ARMH1: variants seen among roughly 807,000 people sequenced by gnomAD.
The protein encoded by ARMH1 is armadillo like helical domain containing 1, also known as armadillo-like helical domain containing protein 1.
A neutral mutation model predicts 50.2 loss-of-function variants in ARMH1; 34 were observed. The ratio of observed to expected loss-of-function variants is 0.68; its 90% CI spans 0.51 to 0.90. The LOEUF (loss-of-function observed/expected upper bound fraction) is 0.90, where lower values mean the gene tolerates loss of function less well. ARMH1 is among the 40% of genes least tolerant of loss of function. The pLI is 0.00. For synonymous variants in ARMH1, 221 were observed against 224.2 expected, an observed-to-expected ratio of 0.99 and a Z score of 0.13; for missense variants, 538 against 553.9, an observed-to-expected ratio of 0.97 and a Z score of 0.29.
At chr1:44,712,649 T>A (rs1646665449) in intron 6 of ARMH1, among the ~76,000 whole-genome samples, 1 of 150,746 alleles carries the variant, frequency 6.6e-6, no homozygotes, top group Admixed American at 6.6e-5. Context: ...AGCAAATACA[T>A]CAGGATTTCT....
chr1:44,719,123 C>T (rs1207177059), intron 6 of ARMH1, among the ~76,000 whole-genome samples: 4 of 151,802 alleles, frequency 2.6e-5, no homozygotes, highest in African/African-American at 9.7e-5. Flanking sequence ...CAAGGTCTGT[C>T]CCCCAAAGGG....
intron 2 of ARMH1, among the ~76,000 whole-genome samples, chr1:44,696,690 G>A (rs1225364854): frequency 6.6e-6 from 1 of 152,176 alleles, no homozygotes; most frequent in East Asian, 1.9e-4. Flanking sequence ...AATTAATGAT[G>A]AAGCTGGTTC....
At chr1:44,695,829 C>T (rs901803648) in intron 2 of ARMH1, among the ~76,000 whole-genome samples, 1 of 151,812 alleles carries the variant, frequency 6.6e-6, no homozygotes, top group African/African-American at 2.4e-5. Context: ...CCTGTAGTCC[C>T]GGCTACTCAG....
intron 2 of ARMH1, 104 bp from the exon 3 acceptor site, chr1:44,696,998 C>G (rs1290221384): frequency 2.6e-6 from 2 of 780,982 alleles, no homozygotes; most frequent in African/African-American, 3.4e-5. Context: ...CACAGTTCAG[C>G]TACTTGGCCA....
intron 6 of ARMH1, among the ~76,000 whole-genome samples, chr1:44,716,052 A>G (rs1004955963): frequency 6.6e-6 from 1 of 151,860 alleles, no homozygotes; most frequent in Non-Finnish European, 1.5e-5. Flanking sequence ...CTCCTTCCCA[A>G]ACCCATACTC....
intron 6 of ARMH1, among the ~76,000 whole-genome samples, chr1:44,722,171 T>A (rs1040727964): frequency 1.8e-4 from 27 of 152,286 alleles, no homozygotes; most frequent in African/African-American, 6.5e-4. Flanking sequence ...ACCCTCTCTC[T>A]CTTACCAGTA....
intron 2 of ARMH1, among the ~76,000 whole-genome samples, chr1:44,694,698 C>T (rs577134293): frequency 1.4e-4 from 21 of 151,866 alleles, no homozygotes; most frequent in Admixed American, 3.3e-4. Flanking sequence ...TTAGTAGAGA[C>T]GGGGTTTCAC....
chr1:44,686,206 T>A (rs1645467074), intron 1 of ARMH1, among the ~76,000 whole-genome samples: 1 of 152,142 alleles, frequency 6.6e-6, no homozygotes, highest in African/African-American at 2.4e-5. Flanking sequence ...CAGTTACAGA[T>A]TGAACATTTG....
At chr1:44,699,751 A>G (rs1407409828) in intron 4 of ARMH1, among the ~76,000 whole-genome samples, 2 of 152,094 alleles carry the variant, frequency 1.3e-5, no homozygotes, top group East Asian at 3.9e-4. Flanking sequence ...CGCACCCTCA[A>G]TAATTTTAAT....
intron 6 of ARMH1, among the ~76,000 whole-genome samples, chr1:44,706,490 A>G (rs948464853): frequency 1.3e-5 from 2 of 152,038 alleles, no homozygotes; most frequent in Non-Finnish European, 2.9e-5. Context: ...CGGGGAGGAG[A>G]GCATAAGGAG....
chr1:44,689,799 G>A lies in ARMH1; in HGVS notation c.102G>A (p.Lys34=). 1 of 1,551,836 alleles carries A rather than the reference G, an allele frequency of 6.4e-7. No homozygotes were observed. The highest frequency in any genetic ancestry group is 8.7e-7 in the Non-Finnish European group (1 of 1,147,024). Residue 34 remains lysine, a synonymous_variant, in exon 2 of 12, where the codon AAG becomes AAA. Coordinates refer to ENST00000535358, the MANE Select transcript of ARMH1 (RefSeq NM_001145636.2). ...TCGCAAGGAGTCACATCCTCGACAA[G>A]TTCATTGAAACCAACCAAGGCAAGA... The part of the protein sequence containing the change: ...GKVARSHILD[K]FIETNQGKTA...
At chr1:44,688,851 C>T (rs914896191) in intron 1 of ARMH1, among the ~76,000 whole-genome samples, 1 of 152,180 alleles carries the variant, frequency 6.6e-6, no homozygotes. Flanking sequence ...ATTAATCCAA[C>T]TATGGAATGG....
At chr1:44,687,724 CCA>C (rs1347289510) in intron 1 of ARMH1, among the ~76,000 whole-genome samples, 1 of 152,168 alleles carries the variant, frequency 6.6e-6, no homozygotes, top group Non-Finnish European at 1.5e-5. Context: ...TTATACAGAG[CCA>C]CAGGATGGGC....
At chr1:44,678,207 G>A (rs1645197264) in intron 1 of ARMH1, among the ~76,000 whole-genome samples, 1 of 152,180 alleles carries the variant, frequency 6.6e-6, no homozygotes, top group Non-Finnish European at 1.5e-5. Context: ...CCAGTTACAT[G>A]TTGTGGAGAG....
intron 6 of ARMH1, among the ~76,000 whole-genome samples, chr1:44,719,137 A>C (rs577335029): frequency 6.6e-6 from 1 of 152,112 alleles, no homozygotes; most frequent in Non-Finnish European, 1.5e-5. Context: ...CAAAGGGTGA[A>C]TAAGTACTGG....
chr1:44,678,142 C>T (rs778039919), intron 1 of ARMH1, among the ~76,000 whole-genome samples: 1 of 151,872 alleles, frequency 6.6e-6, no homozygotes, highest in Admixed American at 6.6e-5. Flanking sequence ...GGAAATGGGT[C>T]GAGGAAGATG....
chr1:44,721,694 G>T (rs149147636), intron 6 of ARMH1: 1 of 152,004 alleles, frequency 6.6e-6, no homozygotes, highest in East Asian at 1.9e-4. Context: ...ACACCACTCC[G>T]CTACAACCTG....
At chr1:44,698,926 T>G (rs1645926688) in intron 4 of ARMH1, among the ~76,000 whole-genome samples, 1 of 151,876 alleles carries the variant, frequency 6.6e-6, no homozygotes, top group African/African-American at 2.4e-5. Context: ...GGCGAGTGGA[T>G]CACCTGAGGT....
chr1:44,688,481 T>C (rs972815938), intron 1 of ARMH1, among the ~76,000 whole-genome samples: 3 of 152,234 alleles, frequency 2.0e-5, no homozygotes, highest in African/African-American at 7.2e-5. Flanking sequence ...TAACTAGATC[T>C]CTGGCGAAGA....
Sources: allele counts gnomAD v4.1 joint callset (sites outside exome capture counted in the v4.1 genomes callset), GRCh38; gene constraint gnomAD v4.1.1; transcripts MANE v1.5; gene names NCBI Gene and HGNC (gene_info 2026-07-23, HGNC 2026-07-21).